The following FSAF1 variants were observed in gnomAD, a reference collection of about 807,000 sequenced individuals.
FSAF1 encodes the protein 40S small subunit processome assembly factor 1, also known as uncharacterized protein C1orf131.
At chr1:231,225,374 G>A in the FSAF1 span, 1 of 1,181,846 alleles carries the variant, frequency 8.5e-7, no homozygotes, top group Non-Finnish European at 1.3e-6. Context: ...CGCTCTAATG[G>A]GCTAGCAACA....
the FSAF1 span, chr1:231,239,028 T>A: frequency 6.2e-7 from 1 of 1,613,974 alleles, no homozygotes; most frequent in African/African-American, 1.3e-5. Flanking sequence ...CTTCTCTAAG[T>A]TCCTTGAAGA....
chr1:231,240,975 C>T, the FSAF1 span: 4 of 1,531,768 alleles, frequency 2.6e-6, no homozygotes, highest in East Asian at 6.7e-5. The surrounding 1 kb of genome is among the most constrained non-coding windows in gnomAD (Gnocchi z 4.1). Flanking sequence ...AGGAGACCCA[C>T]GTTCCTCAAA....
chr1:231,237,780 C>T, the FSAF1 span: 4 of 152,202 alleles, frequency 2.6e-5, no homozygotes, highest in African/African-American at 9.7e-5. Flanking sequence ...GTTCAATCCT[C>T]ACTTCTTTGT....
the FSAF1 span, among the ~76,000 whole-genome samples, chr1:231,236,491 C>T: frequency 1.3e-5 from 2 of 152,122 alleles, no homozygotes; most frequent in Non-Finnish European, 2.9e-5. Flanking sequence ...AACTAGAATG[C>T]ATCAGGGCTC....
chr1:231,227,577 C>T, the FSAF1 span, among the ~76,000 whole-genome samples: 90 of 149,554 alleles, frequency 6.0e-4, no homozygotes, highest in African/African-American at 2.1e-3. Context: ...GCCTGGCTCT[C>T]GCCCACGGTT....
chr1:231,225,967 T>C, the FSAF1 span: 2 of 151,840 alleles, frequency 1.3e-5, no homozygotes, highest in Non-Finnish European at 2.8e-5. Flanking sequence ...TAGGCCCTTG[T>C]GTTGTATACA....
the FSAF1 span, among the ~76,000 whole-genome samples, chr1:231,239,884 C>G: frequency 1.3e-5 from 2 of 152,220 alleles, no homozygotes; most frequent in African/African-American, 2.4e-5. Context: ...ACATTCAATG[C>G]CTTCAGAGCT....
the FSAF1 span, chr1:231,238,999 G>A: frequency 6.2e-7 from 1 of 1,614,096 alleles, no homozygotes; most frequent in South Asian, 1.1e-5. Context: ...GGGGGTCCCA[G>A]AAGGAGCACA....
At chr1:231,231,684 T>C in the FSAF1 span, among the ~76,000 whole-genome samples, 4 of 152,198 alleles carry the variant, frequency 2.6e-5, no homozygotes, top group Non-Finnish European at 5.9e-5. Flanking sequence ...AATAAAATTC[T>C]TGGCCAACTG....
chr1:231,235,821 T>C, the FSAF1 span, among the ~76,000 whole-genome samples: 15 of 152,162 alleles, frequency 9.9e-5, no homozygotes, highest in Middle Eastern at 3.4e-3. Flanking sequence ...AAAAAATATA[T>C]ATAAATGGTG....
At chr1:231,230,329 C>T in the FSAF1 span, among the ~76,000 whole-genome samples, 4 of 152,126 alleles carry the variant, frequency 2.6e-5, no homozygotes, top group Admixed American at 2.6e-4. Context: ...GGTAAAACTG[C>T]TATATTCAAG....
the FSAF1 span, among the ~76,000 whole-genome samples, chr1:231,230,380 A>G: frequency 6.6e-6 from 1 of 152,174 alleles, no homozygotes; most frequent in African/African-American, 2.4e-5. Context: ...CACTAGTGTA[A>G]TGGGCTAAAC....
At chr1:231,228,297 T>A in the FSAF1 span, among the ~76,000 whole-genome samples, 1 of 152,158 alleles carries the variant, frequency 6.6e-6, no homozygotes, top group Non-Finnish European at 1.5e-5. Context: ...GAGTATAAAA[T>A]ATTCAACCAA....
At chr1:231,229,236 C>A in the FSAF1 span, 1 of 1,447,434 alleles carries the variant, frequency 6.9e-7, no homozygotes, top group African/African-American at 1.4e-5. Context: ...TTATTTAGAT[C>A]ATCTGTTACT....
the FSAF1 span, chr1:231,237,325 C>T: frequency 6.6e-6 from 1 of 152,206 alleles, no homozygotes; most frequent in Non-Finnish European, 1.5e-5. Context: ...CAATGCAAGC[C>T]AAACCATCTT....
the FSAF1 span, among the ~76,000 whole-genome samples, chr1:231,235,697 G>T: frequency 1.3e-5 from 2 of 152,170 alleles, no homozygotes; most frequent in Non-Finnish European, 2.9e-5. Flanking sequence ...TAGCTACTTG[G>T]GAGGCTGAGG....
the FSAF1 span, chr1:231,226,036 GAAGA>G: frequency 1.2e-5 from 1 of 85,422 alleles, no homozygotes; most frequent in Non-Finnish European, 2.3e-5. Context: ...CCTAAGTATA[GAAGA>G]AAGATCAAAG....
the FSAF1 span, among the ~76,000 whole-genome samples, chr1:231,230,634 C>A: frequency 6.6e-6 from 1 of 152,208 alleles, no homozygotes; most frequent in Non-Finnish European, 1.5e-5. Flanking sequence ...CTTGCTCTCT[C>A]CTTCTCCAAA....
At chr1:231,241,112 T>C in the FSAF1 span, 7 of 1,613,442 alleles carry the variant, frequency 4.3e-6, no homozygotes, top group East Asian at 1.3e-4. Flanking sequence ...CCTGCGACAT[T>C]GTGGGGTCAG....
Sources: allele counts gnomAD v4.1 joint callset (sites outside exome capture counted in the v4.1 genomes callset), GRCh38; gene constraint gnomAD v4.1.1; non-coding constraint Gnocchi (gnomAD v3.1); transcripts MANE v1.5; gene names NCBI Gene and HGNC (gene_info 2026-07-23, HGNC 2026-07-21).